Variants in SCML1 observed in about 807,000 individuals in gnomAD.
SCML1 encodes Scm polycomb group protein like 1.
For missense variants in SCML1, 137 were observed against 258.1 expected (o/e 0.53, Z 3.22); for synonymous variants, 104 against 103.6 (o/e 1.00, Z -0.02).
intron 7 of SCML1, among the ~76,000 whole-genome samples, chrX:17,752,876 C>T (rs938983225): frequency 9.0e-6 from 1 of 111,425 alleles, no homozygotes; most frequent in African/African-American, 3.3e-5. Context: ...TACTCATCTT[C>T]CCAGCCCTTC....
chrX:17,746,145 A>C, intron 4 of SCML1, 47 bp downstream of exon 4: 1 of 801,453 alleles, frequency 1.2e-6, no homozygotes, highest in South Asian at 2.8e-5. Flanking sequence ...AATGTTAAGC[A>C]AAAATTCTCT....
At position 17,746,038 on chromosome X, in the gene SCML1, C is replaced by T. The variant is rs201180030; in HGVS notation, c.138C>T (p.Asp46=). 8 of 1,178,906 alleles carry T rather than the reference C, an allele frequency of 6.8e-6. No homozygotes were observed. Among genetic ancestry groups the T allele is most frequent in the African/African-American group, 3.5e-5 (2 of 56,438 alleles). ...FVNKEPNIVS[D]ASCNTEEQLK... is the part of the protein sequence containing the mutation. ...AGCAGGAACCGAATATTGTATCTGA[C>T]GCATCCTGTAATACTGAAGAGCAAC... Residue 46 remains aspartate, a synonymous_variant, in exon 4 of 8, where the codon GAC becomes GAT. Coordinates refer to ENST00000380041, the MANE Select transcript of SCML1 (RefSeq NM_001037540.3).
At chrX:17,738,973 T>C (rs1484960134) in intron 1 of SCML1, among the ~76,000 whole-genome samples, 1 of 112,083 alleles carries the variant, frequency 8.9e-6, no homozygotes, top group Non-Finnish European at 1.9e-5. Context: ...CTAAAGTGTA[T>C]GGTGTAATGA....
chrX:17,743,325 T>G (rs2066614392), intron 1 of SCML1, among the ~76,000 whole-genome samples: 1 of 111,765 alleles, frequency 8.9e-6, no homozygotes, highest in South Asian at 3.7e-4. Context: ...TGCCTCTCAT[T>G]ACTGCTCTGG....
intron 4 of SCML1, among the ~76,000 whole-genome samples, chrX:17,746,835 G>T (rs890021362): frequency 8.2e-4 from 92 of 111,786 alleles, no homozygotes; most frequent in African/African-American, 2.9e-3. Flanking sequence ...TCATGGTCTA[G>T]GTCAGCTTAT....
At chrX:17,746,801 C>T (rs2066646094) in intron 4 of SCML1, among the ~76,000 whole-genome samples, 1 of 111,438 alleles carries the variant, frequency 9.0e-6, no homozygotes, top group African/African-American at 3.3e-5. Context: ...TTCTCCCCAG[C>T]CTGCCTCCCC....
chrX:17,746,568 G>A (rs972930650), intron 4 of SCML1, among the ~76,000 whole-genome samples: 3 of 112,216 alleles, frequency 2.7e-5, no homozygotes, highest in African/African-American at 9.7e-5. Context: ...TGGGAATTTT[G>A]TGAGTTGCAT....
chrX:17,738,754 C>A lies in SCML1; in HGVS notation c.-117+1074C>A, dbSNP rs948010728. ...AATGTCTTTAATGTCTAAAAAAAGTCTTTTAGAAAATCAGACGGCCTCTTG... is the reference window on the plus strand; with the variant it reads ...AATGTCTTTAATGTCTAAAAAAAGTATTTTAGAAAATCAGACGGCCTCTTG... On this transcript the variant is annotated intron_variant, in intron 1 of 7. Coordinates refer to ENST00000380041, the MANE Select transcript of SCML1 (RefSeq NM_001037540.3). Among the ~76,000 whole-genome samples, 8 of 111,930 alleles carry A rather than the reference C, an allele frequency of 7.1e-5. 1 individual carries two copies. Among genetic ancestry groups the A allele is most frequent in the African/African-American group, 2.6e-4 (8 of 30,724 alleles).
rs2066639818 is a variant in SCML1 at position 17,746,057 on chromosome X, G to C, written c.157G>C (p.Glu53Gln). Residue 53 changes from glutamate (E) to glutamine (Q), a missense_variant, in exon 4 of 8, where the codon GAG (glutamate) becomes CAG (glutamine). Transcript: ENST00000380041. ...ATCTGACGCATCCTGTAATACTGAA[G>C]AGCAACTGAAGACAGTTGATGATGT... ...IVSDASCNTEEQLKTVDDVLI... is the reference protein window; with the variant it reads ...IVSDASCNTEQQLKTVDDVLI... 1 of 1,187,520 alleles carries C rather than the reference G, an allele frequency of 8.4e-7. No individual in the cohort carries two copies. The highest frequency in any genetic ancestry group is 1.9e-5 in the South Asian group (1 of 53,948).
In SCML1 at chrX:17,749,974, C is replaced by T. The variant is rs774607281; in HGVS notation, c.384C>T (p.Tyr128=). The change falls in exon 6 of 8, where the codon TAC becomes TAT. Residue 128 remains tyrosine, a synonymous_variant. Coordinates refer to ENST00000380041, the MANE Select transcript of SCML1 (RefSeq NM_001037540.3). The part of the protein sequence containing the change: ...KLQKMKKNEV[Y]ETFSYPESYS... ...AGAAAATGAAGAAAAATGAGGTTTA[C>T]GAGACATTCTCCTACCCTGAAAGTT... The T allele has an allele frequency of 9.9e-6, 12 of 1,209,877 alleles. No homozygotes were observed. The highest frequency in any genetic ancestry group is 3.0e-5 in the East Asian group (1 of 33,841).
intron 1 of SCML1, among the ~76,000 whole-genome samples, chrX:17,739,848 C>CAAA (rs747850155): frequency 2.3e-3 from 74 of 32,724 alleles, no homozygotes; most frequent in Non-Finnish European, 2.8e-3. Flanking sequence ...GACTCTGTCT[C>CAAA]AAAAAAAAAA....
chrX:17,751,685 C>T (rs1324064030), intron 6 of SCML1, 130 bp from the exon 7 acceptor site: 13 of 676,700 alleles, frequency 1.9e-5, no homozygotes, highest in Non-Finnish European at 2.8e-5. Context: ...AGTCTTGACT[C>T]CTTGCTAGGA....
chrX:17,752,970 A>G (rs2066727814), intron 7 of SCML1, among the ~76,000 whole-genome samples: 1 of 110,627 alleles, frequency 9.0e-6, no homozygotes, highest in Non-Finnish European at 1.9e-5. Flanking sequence ...TATTTTATTC[A>G]ACATACAGTA....
chrX:17,753,212 A>C (rs1392323131), intron 7 of SCML1, 46 bp from the exon 8 acceptor site: 1 of 1,066,317 alleles, frequency 9.4e-7, no homozygotes, highest in African/African-American at 1.9e-5. Flanking sequence ...TTCTGATGAA[A>C]ATATGGAAGC....
chrX:17,746,883 TC>T (rs2066647281), intron 4 of SCML1, among the ~76,000 whole-genome samples: 1 of 111,675 alleles, frequency 9.0e-6, no homozygotes, highest in Non-Finnish European at 1.9e-5. Flanking sequence ...GGGGGAGGTG[TC>T]CAGGGCCATG....
At chrX:17,752,117 T>C in intron 7 of SCML1, 151 bp downstream of exon 7, 1 of 596,957 alleles carries the variant, frequency 1.7e-6, no homozygotes, top group Non-Finnish European at 2.6e-6. Context: ...AAGGTTAGCC[T>C]TAAATGGTAG....
intron 1 of SCML1, among the ~76,000 whole-genome samples, chrX:17,743,368 G>A (rs974189139): frequency 5.4e-5 from 6 of 111,288 alleles, no homozygotes; most frequent in South Asian, 7.6e-4. Context: ...TTTCATTAAC[G>A]TACCCTTCCC....
chrX:17,753,119 AAGT>A (rs987431122), intron 7 of SCML1, 136 bp from the exon 8 acceptor site: 55 of 380,549 alleles, frequency 1.4e-4, no homozygotes, highest in Admixed American at 3.5e-4. Flanking sequence ...AGTTTTCATA[AAGT>A]AGACGCATAT....
At chrX:17,753,004 C>T (rs189404372) in intron 7 of SCML1, among the ~76,000 whole-genome samples, 1 of 109,653 alleles carries the variant, frequency 9.1e-6, no homozygotes, top group Admixed American at 9.9e-5. Flanking sequence ...AAGTTTGACA[C>T]AGTTTATTTT....
Sources: allele counts gnomAD v4.1 joint callset (sites outside exome capture counted in the v4.1 genomes callset), GRCh38; gene constraint gnomAD v4.1.1; transcripts MANE v1.5; gene names NCBI Gene and HGNC (gene_info 2026-07-23, HGNC 2026-07-21).